The following ATP2B4 variants were observed in gnomAD, a reference collection of about 807,000 sequenced individuals.
ATP2B4 encodes plasma membrane calcium-transporting ATPase 4.
Under a neutral mutation model 110.3 loss-of-function variants are expected in ATP2B4, and 39 were observed. The observed-to-expected ratio is 0.35, with a 90% CI of 0.27 to 0.46. The LOEUF (loss-of-function observed/expected upper bound fraction) is 0.46. Ranked by LOEUF, ATP2B4 falls within the 20% of genes least tolerant of loss-of-function variation. ATP2B4 has a pLI of 1.00. For synonymous variants in ATP2B4, 538 were observed against 571.7 expected (o/e 0.94, Z 0.84); for missense variants, 1,135 against 1,530.9 (o/e 0.74, Z 4.32).
chr1:203,635,252 G>A (rs2102297619), intron 1 of ATP2B4, among the ~76,000 whole-genome samples: 1 of 152,174 alleles, frequency 6.6e-6, no homozygotes, highest in South Asian at 2.1e-4. Flanking sequence ...GGGATTGCAG[G>A]TTTGAGCTAT....
chr1:203,698,392 G>C (rs769699930), intron 3 of ATP2B4, 38 bp downstream of exon 3: 2 of 1,602,932 alleles, frequency 1.2e-6, no homozygotes, highest in Non-Finnish European at 1.7e-6. Context: ...CTCTTATCTG[G>C]GTTCTTTCCA....
chr1:203,692,503 A>G (rs1665412359), intron 2 of ATP2B4, among the ~76,000 whole-genome samples: 1 of 152,232 alleles, frequency 6.6e-6, no homozygotes, highest in African/African-American at 2.4e-5. Flanking sequence ...GAAGGACTTA[A>G]AAGGTATTCT....
At chr1:203,721,724 G>A (rs11240274) in intron 17 of ATP2B4, among the ~76,000 whole-genome samples, 4 of 146,612 alleles carry the variant, frequency 2.7e-5, no homozygotes, top group East Asian at 4.1e-4. Flanking sequence ...GTGCAGTGGC[G>A]CTAACTCGGG....
intron 1 of ATP2B4, among the ~76,000 whole-genome samples, chr1:203,673,146 A>G (rs1664724448): frequency 6.6e-6 from 1 of 152,132 alleles, no homozygotes; most frequent in South Asian, 2.1e-4. Context: ...AACATTTTCA[A>G]AGTGTGGTCC....
At chr1:203,632,728 A>C (rs1319724726) in intron 1 of ATP2B4, among the ~76,000 whole-genome samples, 3 of 151,650 alleles carry the variant, frequency 2.0e-5, no homozygotes, top group Non-Finnish European at 4.4e-5. Context: ...CTACAAAGAA[A>C]TCTTGACCTT....
chr1:203,707,781 T>C (rs990733294), intron 9 of ATP2B4, 81 bp from the exon 10 acceptor site: 14 of 1,550,230 alleles, frequency 9.0e-6, no homozygotes, highest in Non-Finnish European at 5.3e-6. Context: ...GGAGAGATGT[T>C]GGCTAGGAAA....
At chr1:203,709,164 GA>G (rs534597539) in intron 10 of ATP2B4, 136 bp from the exon 11 acceptor site, 31,160 of 986,244 alleles carry the variant, frequency 0.032, 101 homozygotes, top group Non-Finnish European at 0.034. Flanking sequence ...CTCCAAAAAA[GA>G]AAAAAAAAAA....
intron 1 of ATP2B4, among the ~76,000 whole-genome samples, chr1:203,642,240 C>T (rs1663655419): frequency 6.6e-6 from 1 of 152,070 alleles, no homozygotes; most frequent in Non-Finnish European, 1.5e-5. Flanking sequence ...CACCACCACA[C>T]CCAGCAAATT....
At chr1:203,712,388 A>G (rs1480429018) in intron 13 of ATP2B4, among the ~76,000 whole-genome samples, 1 of 152,084 alleles carries the variant, frequency 6.6e-6, no homozygotes, top group Non-Finnish European at 1.5e-5. Context: ...GTCAAGAGAT[A>G]GAGACCATCC....
chr1:203,694,092 G>A (rs1201362970), intron 2 of ATP2B4, among the ~76,000 whole-genome samples: 1 of 152,204 alleles, frequency 6.6e-6, no homozygotes, highest in Admixed American at 6.5e-5. Flanking sequence ...CCAGGTAGGG[G>A]TTTGTGATGC....
In ATP2B4 at chr1:203,706,999, C is replaced by T; in HGVS notation, c.1100-10C>T. The stretch of plus-strand genomic sequence containing the variant: ...CAGCCTGGGTTCATATGACTTGTTT[C>T]TCTGGACAGGTCTGCTCATGTCTGC... On this transcript the variant is annotated splice_polypyrimidine_tract_variant and intron_variant, in intron 8 of 20. Transcript: ENST00000357681. 4.3e-6 allele frequency: 7 copies of T among 1,612,400 alleles called. No individual in the cohort carries two copies. Among genetic ancestry groups the T allele is most frequent in the Non-Finnish European group, 5.9e-6 (7 of 1,179,026 alleles).
At chr1:203,701,204 C>A (rs1351181297) in intron 6 of ATP2B4, among the ~76,000 whole-genome samples, 2 of 152,162 alleles carry the variant, frequency 1.3e-5, no homozygotes, top group African/African-American at 4.8e-5. Flanking sequence ...AAAGCCTGCC[C>A]TAAATAAACT....
chr1:203,728,103 T>A, intron 20 of ATP2B4: 1 of 419,476 alleles, frequency 2.4e-6, no homozygotes, highest in Middle Eastern at 3.5e-4. Context: ...TGGTGGGGAA[T>A]CTGATGGTTT....
chr1:203,688,021 T>TATG (rs1553247790), intron 2 of ATP2B4, among the ~76,000 whole-genome samples: 1 of 147,672 alleles, frequency 6.8e-6, no homozygotes, highest in Non-Finnish European at 1.5e-5. Context: ...TTATTATTAT[T>TATG]ATTATTATTA....
chr1:203,709,937 C>T (rs765761908), intron 11 of ATP2B4, among the ~76,000 whole-genome samples: 3 of 152,326 alleles, frequency 2.0e-5, no homozygotes, highest in Admixed American at 2.0e-4. Context: ...ACTACCCCCT[C>T]ACTGTAACTA....
Position 203,699,625 on chromosome 1 carries a change from A to G in ATP2B4, c.557A>G (p.Gln186Arg), listed in dbSNP as rs1417965056. Residue 186 changes from glutamine (Q) to arginine (R), a missense_variant, in exon 4 of 21, where the codon CAG becomes CGG. Transcript: ENST00000357681. ...QFRGLQCRIE[Q>R]EQKFSIIRNG... is the part of the protein sequence containing the mutation. ...CGGGGGCTGCAGTGCCGCATTGAAC[A>G]GGAGCAAAAGTTCTCCATCATCCGA... The G allele has an allele frequency of 6.2e-7, 1 of 1,614,118 alleles. No homozygotes were observed. The highest frequency in any genetic ancestry group is 1.3e-5 in the African/African-American group (1 of 74,926).
At chr1:203,662,033 C>CT (rs374196166) in intron 1 of ATP2B4, among the ~76,000 whole-genome samples, 151 of 145,156 alleles carry the variant, frequency 1.0e-3, no homozygotes, top group Admixed American at 1.2e-3. Context: ...CCATCTTCAC[C>CT]TTTTTTTTTT....
intron 19 of ATP2B4, among the ~76,000 whole-genome samples, chr1:203,726,388 C>T (rs955118384): frequency 1.3e-5 from 2 of 151,814 alleles, no homozygotes; most frequent in South Asian, 2.1e-4. Context: ...AATGTCTGAC[C>T]CAATTCCCTC....
intron 13 of ATP2B4, among the ~76,000 whole-genome samples, chr1:203,712,736 C>G (rs1666048688): frequency 6.6e-6 from 1 of 152,052 alleles, no homozygotes; most frequent in Non-Finnish European, 1.5e-5. Context: ...CCTAGCCCAC[C>G]CCTCCTGTGT....
Sources: gnomAD v4.1 joint callset for allele counts (sites outside exome capture counted in the v4.1 genomes callset) on GRCh38, gnomAD v4.1.1 for gene constraint, MANE v1.5 for transcripts, NCBI Gene and HGNC (gene_info 2026-07-23, HGNC 2026-07-21) for gene names.